Variants in NDST1 observed in about 807,000 individuals in gnomAD.
NDST1 encodes the protein bifunctional heparan sulfate N-deacetylase/N-sulfotransferase 1.
NDST1 carries 35 observed loss-of-function variants against 92.8 expected under a neutral mutation model. The observed-to-expected ratio is 0.38, with a 90% CI of 0.29 to 0.50. The LOEUF (loss-of-function observed/expected upper bound fraction) is 0.50, where lower values mean the gene tolerates loss of function less well. Among genes scored for constraint, NDST1 ranks in the 20% least tolerant of loss-of-function variants. The pLI is 0.94. For missense variants in NDST1, 822 were observed against 1,182.7 expected, an observed-to-expected ratio of 0.69 and a Z score of 4.47; for synonymous variants, 493 against 500.3, an observed-to-expected ratio of 0.99 and a Z score of 0.19.
At chr5:150,507,301 G>C (rs527579255), upstream of NDST1, among the ~76,000 whole-genome samples, 1 of 151,720 alleles carries the variant, frequency 6.6e-6, no homozygotes, top group South Asian at 2.1e-4. Flanking sequence ...CTCAGAGCCT[G>C]CAGTTCTACT....
At chr5:150,538,349 G>A (rs1755086192) in intron 6 of NDST1, among the ~76,000 whole-genome samples, 1 of 152,192 alleles carries the variant, frequency 6.6e-6, no homozygotes. Context: ...CTTTGAAAGG[G>A]ATTTCTATCA....
chr5:150,531,666 A>G (rs949471451), intron 3 of NDST1, among the ~76,000 whole-genome samples: 2 of 149,700 alleles, frequency 1.3e-5, no homozygotes, highest in African/African-American at 2.5e-5. Context: ...CACCTGGCTA[A>G]TTTTGTATTT....
chr5:150,529,298 A>G (rs1400495873), intron 3 of NDST1, among the ~76,000 whole-genome samples: 1 of 147,832 alleles, frequency 6.8e-6, no homozygotes, highest in East Asian at 2.0e-4. Flanking sequence ...AGGCTGAGGC[A>G]GGAGGATTGC....
rs188534355 is a variant in NDST1 at position 150,531,531 on chromosome 5, A to G, written c.1009-1414A>G. 6.0e-3 allele frequency among the ~76,000 whole-genome samples: 668 copies of G among 110,948 alleles called. 6 individuals are homozygous for G. In the Middle Eastern group the frequency reaches 0.061, roughly 10 times the overall value. 72.8% of individuals were successfully genotyped at this position (110,948 alleles called of 152,430 possible). On this transcript the variant is annotated intron_variant, in intron 3 of 14. Coordinates refer to ENST00000261797, the MANE Select transcript of NDST1 (RefSeq NM_001543.5). ...TTTTTTTTTTTTGAGATGGAGTTTC[A>G]TTCTTGTTGCCCAGGCTGGAGTGCA...
intron 3 of NDST1, among the ~76,000 whole-genome samples, chr5:150,531,049 G>C (rs1468135336): frequency 6.6e-6 from 1 of 150,880 alleles, no homozygotes; most frequent in African/African-American, 2.4e-5. Context: ...ACATTTTTGT[G>C]AATAAGAAAG....
intron 1 of NDST1, among the ~76,000 whole-genome samples, chr5:150,502,930 G>A (rs1040221928): frequency 2.0e-5 from 3 of 152,140 alleles, no homozygotes; most frequent in Non-Finnish European, 4.4e-5. Context: ...GGTTCTGAGG[G>A]TGGCAGGGAG....
At position 150,521,426 on chromosome 5, in the gene NDST1, G is replaced by T. The variant is rs770708585; in HGVS notation, c.172G>T (p.Asp58Tyr). The T allele has an allele frequency of 6.2e-7, 1 of 1,612,932 alleles. No individual in the cohort carries two copies. The highest frequency in any genetic ancestry group is 1.1e-5 in the South Asian group (1 of 91,062). Residue 58 changes from aspartate (D) to tyrosine (Y), a missense_variant, in exon 2 of 15, where the codon GAC (aspartate) becomes TAC (tyrosine). Transcript: ENST00000261797. The surrounding 1 kb of genome is among the most constrained non-coding windows in gnomAD (Gnocchi z 5.9). ...SADAPEPDCGDPPPVAPSRLL... is the reference protein window; with the variant it reads ...SADAPEPDCGYPPPVAPSRLL... ...GGATGCCCCCGAGCCTGACTGCGGGGACCCGCCGCCTGTGGCCCCCAGTCG... is the reference window on the plus strand; with the variant it reads ...GGATGCCCCCGAGCCTGACTGCGGGTACCCGCCGCCTGTGGCCCCCAGTCG...
chr5:150,552,397 AAG>A (rs1755762956), intron 14 of NDST1, among the ~76,000 whole-genome samples: 1 of 152,168 alleles, frequency 6.6e-6, no homozygotes, highest in Admixed American at 6.5e-5. Flanking sequence ...AGGGGGAAAA[AAG>A]AAATTTTAAA....
intron 6 of NDST1, among the ~76,000 whole-genome samples, chr5:150,538,737 CCTCAACCCTGAA>C (rs994342681): frequency 2.6e-5 from 4 of 152,146 alleles, no homozygotes; most frequent in African/African-American, 9.7e-5. Flanking sequence ...TCCTTTAGGT[CCTCAACCCTGAA>C]CTCCAGGGAT....
intron 1 of NDST1, among the ~76,000 whole-genome samples, chr5:150,517,059 A>G (rs907832396): frequency 2.6e-5 from 4 of 151,828 alleles, no homozygotes; most frequent in African/African-American, 9.7e-5. Flanking sequence ...CATTCACAGC[A>G]AAATTGAAAG....
chr5:150,536,237 G>C (rs991834109), intron 6 of NDST1, among the ~76,000 whole-genome samples: 4 of 152,108 alleles, frequency 2.6e-5, no homozygotes, highest in African/African-American at 4.8e-5. Context: ...TGTAATCCTA[G>C]CACTTTGGGA....
chr5:150,514,419 G>A (rs1477476754), intron 1 of NDST1, among the ~76,000 whole-genome samples: 1 of 152,002 alleles, frequency 6.6e-6, no homozygotes, highest in Non-Finnish European at 1.5e-5. Context: ...AAATTAGCCG[G>A]GAATGATGGT....
Position 150,551,750 on chromosome 5 carries a change from C to T in NDST1, c.2427-3C>T, listed in dbSNP as rs763839310. ...CCATCCAAAGACTTTCCCACCTCCACAGGTTTGATCCAAAGAAAGGATTTT... is the reference window on the plus strand; with the variant it reads ...CCATCCAAAGACTTTCCCACCTCCATAGGTTTGATCCAAAGAAAGGATTTT... On this transcript the variant is annotated splice_region_variant and splice_polypyrimidine_tract_variant and intron_variant, in intron 13 of 14. Coordinates refer to ENST00000261797, the MANE Select transcript of NDST1 (RefSeq NM_001543.5). 2 of 1,612,428 alleles carry T rather than the reference C, an allele frequency of 1.2e-6. No individual in the cohort carries two copies. Among genetic ancestry groups the T allele is most frequent in the Admixed American group, 1.7e-5 (1 of 59,940 alleles).
chr5:150,522,489 G>A (rs1374290020), intron 2 of NDST1, among the ~76,000 whole-genome samples: 1 of 152,154 alleles, frequency 6.6e-6, no homozygotes, highest in African/African-American at 2.4e-5. Flanking sequence ...TGTGGTCAGA[G>A]AAGTCTGACC....
At chr5:150,498,607 G>A (rs1421451199) in intron 1 of NDST1, among the ~76,000 whole-genome samples, 1 of 152,314 alleles carries the variant, frequency 6.6e-6, no homozygotes, top group Non-Finnish European at 1.5e-5. Flanking sequence ...CTGAGGCAGG[G>A]TTATGTAACC....
intron 11 of NDST1, among the ~76,000 whole-genome samples, chr5:150,546,166 T>A (rs1442942691): frequency 6.6e-6 from 1 of 151,816 alleles, no homozygotes; most frequent in Non-Finnish European, 1.5e-5. Context: ...CCAGGCTAAT[T>A]TTTGTATTTT....
In NDST1 at chr5:150,521,806, C is replaced by T. The variant is rs780626118; in HGVS notation, c.513+39C>T. The T allele has an allele frequency of 8.7e-6, 14 of 1,608,560 alleles. 1 individual carries two copies. In the Admixed American group the frequency reaches 1.0e-4, roughly 11 times the overall value. ...AGGGTCCCCGAGCAGTTCAGAGCCC[C>T]CTCTGCAGCTCAGTGCCTGAATTCT... On this transcript the variant is annotated intron_variant, in intron 2 of 14. Coordinates refer to ENST00000261797, the MANE Select transcript of NDST1 (RefSeq NM_001543.5). This position sits in a 1 kb window ranked among gnomAD's most constrained non-coding sequence, Gnocchi z 5.9.
At chr5:150,523,642 G>A (rs766474436) in intron 2 of NDST1, among the ~76,000 whole-genome samples, 1 of 152,236 alleles carries the variant, frequency 6.6e-6, no homozygotes, top group African/African-American at 2.4e-5. Flanking sequence ...TTATTCAGGA[G>A]AAGTGACATC....
At chr5:150,507,081 ACTGCTGGGCCTGC>A (rs905817728), upstream of NDST1, among the ~76,000 whole-genome samples, 5 of 152,054 alleles carry the variant, frequency 3.3e-5, no homozygotes, top group African/African-American at 1.2e-4. Context: ...TTCTGTCACC[ACTGCTGGGCCTGC>A]CTGCTGGGCC....
Sources: allele counts gnomAD v4.1 joint callset (sites outside exome capture counted in the v4.1 genomes callset), GRCh38; gene constraint gnomAD v4.1.1; non-coding constraint Gnocchi (gnomAD v3.1); transcripts MANE v1.5; gene names NCBI Gene and HGNC (gene_info 2026-07-23, HGNC 2026-07-21).